PSMB7: variants seen among roughly 807,000 people sequenced by gnomAD.
PSMB7 encodes the protein proteasome subunit beta type-7.
PSMB7 carries 5 observed loss-of-function variants against 28.1 expected under a neutral mutation model. The ratio of observed to expected loss-of-function variants is 0.18; its 90% CI spans 0.09 to 0.37. The LOEUF (loss-of-function observed/expected upper bound fraction) is 0.37. Among genes scored for constraint, PSMB7 ranks in the 10% least tolerant of loss-of-function variants. The pLI, the probability that PSMB7 is intolerant of heterozygous loss-of-function variation, is 1.00. For missense variants in PSMB7, 275 were observed against 346.2 expected, an observed-to-expected ratio of 0.79 and a Z score of 1.63; for synonymous variants, 122 against 123.7, an observed-to-expected ratio of 0.99 and a Z score of 0.09.
At chr9:124,394,688 A>T (rs1245894061) in intron 5 of PSMB7, among the ~76,000 whole-genome samples, 1 of 152,218 alleles carries the variant, frequency 6.6e-6, no homozygotes, top group Non-Finnish European at 1.5e-5. Context: ...ATCCAATCTA[A>T]TTAGAATAAA....
intron 6 of PSMB7, among the ~76,000 whole-genome samples, chr9:124,381,039 G>T (rs1465157458): frequency 6.6e-6 from 1 of 152,242 alleles, no homozygotes; most frequent in East Asian, 1.9e-4. Context: ...ATTTATTGAG[G>T]TGTTTTAAAA....
intron 5 of PSMB7, among the ~76,000 whole-genome samples, chr9:124,396,404 C>A (rs185259746): frequency 1.3e-5 from 2 of 152,332 alleles, no homozygotes; most frequent in Non-Finnish European, 2.9e-5. Context: ...TTCCTAAGTT[C>A]TCACTTAATT....
intron 7 of PSMB7, among the ~76,000 whole-genome samples, chr9:124,355,890 T>C (rs1279351181): frequency 6.6e-6 from 1 of 152,164 alleles, no homozygotes; most frequent in Non-Finnish European, 1.5e-5. Context: ...CATTCCTTCC[T>C]TGTGAATTAC....
At chr9:124,403,585 T>C (rs1830933978) in intron 5 of PSMB7, among the ~76,000 whole-genome samples, 2 of 152,048 alleles carry the variant, frequency 1.3e-5, no homozygotes, top group African/African-American at 4.8e-5. Context: ...GGTTAGCAAA[T>C]GAGGAAGAGA....
At chr9:124,378,518 T>C (rs905976447) in intron 6 of PSMB7, among the ~76,000 whole-genome samples, 4 of 152,206 alleles carry the variant, frequency 2.6e-5, no homozygotes, top group African/African-American at 9.6e-5. Flanking sequence ...CTCCCTGTGA[T>C]GTGAGGGTCC....
At chr9:124,365,193 G>C (rs1030820146) in intron 6 of PSMB7, among the ~76,000 whole-genome samples, 3 of 152,236 alleles carry the variant, frequency 2.0e-5, no homozygotes, top group Admixed American at 2.0e-4. Flanking sequence ...AGACAGGCCT[G>C]AACACAGAGC....
At chr9:124,397,638 A>AG (rs985997099) in intron 5 of PSMB7, among the ~76,000 whole-genome samples, 140 of 152,390 alleles carry the variant, frequency 9.2e-4, no homozygotes, top group African/African-American at 3.3e-3. Flanking sequence ...AAAGAAAAAA[A>AG]AAGATTAATT....
intron 4 of PSMB7, among the ~76,000 whole-genome samples, chr9:124,411,510 G>C (rs1831027031): frequency 6.6e-6 from 1 of 152,178 alleles, no homozygotes; most frequent in African/African-American, 2.4e-5. Context: ...TTTGTTAAAG[G>C]TAAGGCAAGT....
At chr9:124,395,632 G>A (rs558821815) in intron 5 of PSMB7, among the ~76,000 whole-genome samples, 66 of 152,254 alleles carry the variant, frequency 4.3e-4, no homozygotes, top group African/African-American at 1.5e-3. Context: ...AGCACACAGT[G>A]ATGTACAGAG....
At chr9:124,392,696 T>C (rs1434840120) in intron 5 of PSMB7, among the ~76,000 whole-genome samples, 1 of 152,190 alleles carries the variant, frequency 6.6e-6, no homozygotes, top group African/African-American at 2.4e-5. Context: ...GGTTGGCAGC[T>C]TTCATGGAAA....
intron 7 of PSMB7, among the ~76,000 whole-genome samples, chr9:124,355,435 G>A (rs561761648): frequency 9.2e-5 from 14 of 152,344 alleles, no homozygotes; most frequent in Admixed American, 7.2e-4. Context: ...CACTGGCCCA[G>A]ACGTGGCTTT....
chr9:124,406,588 C>T (rs1034174589), intron 4 of PSMB7, among the ~76,000 whole-genome samples: 8 of 151,180 alleles, frequency 5.3e-5, no homozygotes, highest in African/African-American at 1.9e-4. Context: ...TTTGAATTAA[C>T]CCATATTATA....
At chr9:124,361,676 T>A (rs1830466478) in intron 6 of PSMB7, among the ~76,000 whole-genome samples, 1 of 152,196 alleles carries the variant, frequency 6.6e-6, no homozygotes, top group Non-Finnish European at 1.5e-5. Flanking sequence ...CTGCTAGCTA[T>A]AAAGTCTGCT....
At chr9:124,360,720 A>G (rs1021019798) in intron 6 of PSMB7, among the ~76,000 whole-genome samples, 1 of 152,246 alleles carries the variant, frequency 6.6e-6, no homozygotes, top group Non-Finnish European at 1.5e-5. Flanking sequence ...GGAGGCAGAC[A>G]GAATGGGTTT....
chr9:124,365,874 C>T (rs555234304), intron 6 of PSMB7, among the ~76,000 whole-genome samples: 1 of 152,210 alleles, frequency 6.6e-6, no homozygotes, highest in East Asian at 1.9e-4. Context: ...GTGATCGTGC[C>T]ACCGCACTCC....
chr9:124,382,522 AAAAT>A lies in PSMB7; in HGVS notation c.570+2072_570+2075del, dbSNP rs201726792. Reference sequence around the variant, plus strand: ...TGCGCCCAGTCGAGACTCTGTCTCTAAAATAAATAAAGTGATTTTCACTGATTGT... The same window carrying A: ...TGCGCCCAGTCGAGACTCTGTCTCTAAAATAAAGTGATTTTCACTGATTGT... On this transcript the variant is annotated intron_variant, in intron 6 of 7. Transcript: ENST00000259457. Among the ~76,000 whole-genome samples, 996 of 152,264 alleles carry A rather than the reference AAAAT, an allele frequency of 6.5e-3. 12 individuals are homozygous for A. The highest frequency in any genetic ancestry group is 0.022 in the African/African-American group (925 of 41,544).
At chr9:124,394,624 C>T (rs1830823335) in intron 5 of PSMB7, among the ~76,000 whole-genome samples, 1 of 152,146 alleles carries the variant, frequency 6.6e-6, no homozygotes, top group Non-Finnish European at 1.5e-5. Context: ...CAATACCTCA[C>T]CATTTTGTCT....
intron 5 of PSMB7, among the ~76,000 whole-genome samples, chr9:124,401,142 A>G (rs1384310253): frequency 6.6e-6 from 1 of 152,246 alleles, no homozygotes. Flanking sequence ...AATTCTTAAC[A>G]GTGGTTACTC....
At chr9:124,360,568 G>A (rs977423530) in intron 6 of PSMB7, among the ~76,000 whole-genome samples, 1 of 152,262 alleles carries the variant, frequency 6.6e-6, no homozygotes, top group Non-Finnish European at 1.5e-5. Flanking sequence ...GTGGCGATGG[G>A]CGAGTAGGCC....
Sources: allele counts gnomAD v4.1 joint callset (sites outside exome capture counted in the v4.1 genomes callset), GRCh38; gene constraint gnomAD v4.1.1; transcripts MANE v1.5; gene names NCBI Gene and HGNC (gene_info 2026-07-23, HGNC 2026-07-21).